GALNT13: variants seen among roughly 807,000 people sequenced by gnomAD.
GALNT13 encodes polypeptide N-acetylgalactosaminyltransferase 13, also known as UDP-GalNAc:polypeptide N-acetylgalactosaminyltransferase 13.
A neutral mutation model predicts 64.2 loss-of-function variants in GALNT13; 28 were observed. The ratio of observed to expected loss-of-function variants is 0.44; its 90% CI spans 0.32 to 0.60. The LOEUF is 0.60. Among genes scored for constraint, GALNT13 ranks in the 20% least tolerant of loss-of-function variants. GALNT13 has a pLI of 0.05. For synonymous variants in GALNT13, 214 were observed against 224.6 expected (o/e 0.95, Z 0.42); for missense variants, 577 against 669.8 (o/e 0.86, Z 1.53).
chr2:154,241,243 A>G (rs368933589), intron 4 of GALNT13, among the ~76,000 whole-genome samples: 2 of 152,100 alleles, frequency 1.3e-5, no homozygotes, highest in African/African-American at 4.8e-5. Context: ...GGGAAATCCA[A>G]CATTTGGGCA....
At chr2:153,353,228 G>T in the GALNT13 span, among the ~76,000 whole-genome samples, 1 of 151,952 alleles carries the variant, frequency 6.6e-6, no homozygotes, top group East Asian at 1.9e-4. Context: ...TAATGTAAAT[G>T]TTTTTTTATT....
At chr2:154,421,790 A>AAT (rs992808968) in intron 11 of GALNT13, among the ~76,000 whole-genome samples, 2 of 152,042 alleles carry the variant, frequency 1.3e-5, no homozygotes, top group Non-Finnish European at 1.5e-5. Context: ...ACATGCAAGA[A>AAT]ATATATATAT....
intron 4 of GALNT13, among the ~76,000 whole-genome samples, chr2:154,205,334 A>G (rs1687381091): frequency 6.6e-6 from 1 of 152,134 alleles, no homozygotes; most frequent in South Asian, 2.1e-4. Flanking sequence ...TGTGTTCTCT[A>G]ACTGTGGAAC....
At chr2:153,860,744 A>G in the GALNT13 span, among the ~76,000 whole-genome samples, 1 of 152,154 alleles carries the variant, frequency 6.6e-6, no homozygotes, top group African/African-American at 2.4e-5. Context: ...CATTCTATCT[A>G]TTAGGGATAT....
the GALNT13 span, among the ~76,000 whole-genome samples, chr2:153,716,875 C>T: frequency 1.2e-3 from 176 of 152,126 alleles, no homozygotes; most frequent in Non-Finnish European, 9.0e-4. Flanking sequence ...CTACTGCAAG[C>T]GTGAAACAGA....
chr2:153,076,704 A>AT, the GALNT13 span, among the ~76,000 whole-genome samples: 4 of 151,496 alleles, frequency 2.6e-5, no homozygotes, highest in Admixed American at 1.3e-4. Flanking sequence ...TTCCTCATTG[A>AT]TTTTTTTGGG....
chr2:153,113,938 G>A, the GALNT13 span, among the ~76,000 whole-genome samples: 1 of 152,054 alleles, frequency 6.6e-6, no homozygotes, highest in Admixed American at 6.6e-5. Flanking sequence ...GAAAGGGAAG[G>A]CTTACTAATT....
intron 4 of GALNT13, among the ~76,000 whole-genome samples, chr2:154,142,244 T>G (rs1683297779): frequency 6.6e-6 from 1 of 152,214 alleles, no homozygotes; most frequent in African/African-American, 2.4e-5. Flanking sequence ...CTTTCTGAAT[T>G]ACTTCATATA....
chr2:153,144,740 G>A, the GALNT13 span, among the ~76,000 whole-genome samples: 1 of 151,844 alleles, frequency 6.6e-6, no homozygotes, highest in South Asian at 2.1e-4. Context: ...CATGTCTGGG[G>A]AAAAGCAGTA....
At position 153,899,152 on chromosome 2, in the gene GALNT13, G is replaced by A. The variant is rs1574071075; in HGVS notation, c.-176-1784G>A. ...CGAAATGTATCAGTAAGCCAGATGT[G>A]GTTTTCATGCCCCCAGTTTTCAATC... On this transcript the variant is annotated intron_variant, in intron 1 of 12. Coordinates refer to ENST00000392825, the MANE Select transcript of GALNT13 (RefSeq NM_052917.4). 2.0e-5 allele frequency among the ~76,000 whole-genome samples: 3 copies of A among 152,184 alleles called. No homozygotes were observed. The East Asian group carries it at 5.8e-4, about 29-fold the overall frequency.
At chr2:153,414,508 A>C in the GALNT13 span, among the ~76,000 whole-genome samples, 1 of 145,102 alleles carries the variant, frequency 6.9e-6, no homozygotes, top group Admixed American at 6.9e-5. Context: ...TAATTGATCT[A>C]TACCACTGCC....
chr2:153,789,753 A>G, the GALNT13 span, among the ~76,000 whole-genome samples: 1 of 152,202 alleles, frequency 6.6e-6, no homozygotes, highest in Admixed American at 6.5e-5. Context: ...AGGAGATTTT[A>G]CCACTAACCC....
chr2:154,447,084 AT>A (rs1326051995), intron 12 of GALNT13, among the ~76,000 whole-genome samples: 2 of 151,860 alleles, frequency 1.3e-5, no homozygotes, highest in African/African-American at 4.8e-5. Flanking sequence ...CCATGTCTAT[AT>A]GACAACAGGT....
the GALNT13 span, among the ~76,000 whole-genome samples, chr2:153,457,644 T>TA: frequency 1.3e-5 from 2 of 152,234 alleles, no homozygotes; most frequent in South Asian, 2.1e-4. Context: ...ATTATGTACT[T>TA]AAAAAAAATC....
At chr2:154,093,021 T>A (rs1286614804) in intron 3 of GALNT13, among the ~76,000 whole-genome samples, 1 of 151,832 alleles carries the variant, frequency 6.6e-6, no homozygotes, top group Non-Finnish European at 1.5e-5. Flanking sequence ...ATAGAAAAAA[T>A]TTAAAATATA....
At chr2:154,294,667 A>G (rs1559073015) in intron 8 of GALNT13, among the ~76,000 whole-genome samples, 1 of 152,198 alleles carries the variant, frequency 6.6e-6, no homozygotes, top group Non-Finnish European at 1.5e-5. Flanking sequence ...ATCCTTAAGC[A>G]TTTGTTTCAT....
At chr2:153,591,242 T>G in the GALNT13 span, among the ~76,000 whole-genome samples, 4 of 151,918 alleles carry the variant, frequency 2.6e-5, no homozygotes, top group Non-Finnish European at 2.9e-5. Flanking sequence ...AGGAATATAT[T>G]TAACCAAGGA....
chr2:154,043,453 T>TATATATAC (rs1699111736), intron 3 of GALNT13, among the ~76,000 whole-genome samples: 1 of 93,780 alleles, frequency 1.1e-5, no homozygotes, highest in Non-Finnish European at 2.0e-5. Context: ...TATATATATA[T>TATATATAC]ATACACACAT....
chr2:153,855,412 C>T, the GALNT13 span, among the ~76,000 whole-genome samples: 1 of 152,018 alleles, frequency 6.6e-6, no homozygotes, highest in African/African-American at 2.4e-5. Flanking sequence ...AAAACAACAA[C>T]AAAAATGGGC....
Sources: gnomAD v4.1 joint callset for allele counts (sites outside exome capture counted in the v4.1 genomes callset) on GRCh38, gnomAD v4.1.1 for gene constraint, MANE v1.5 for transcripts, NCBI Gene and HGNC (gene_info 2026-07-23, HGNC 2026-07-21) for gene names.